Variants in NRXN3 observed in about 807,000 individuals in gnomAD.
NRXN3 encodes neurexin III.
In NRXN3, 32 loss-of-function variants were observed where a neutral mutation model predicts 137.6. That is an observed-to-expected ratio of 0.23 (90% confidence interval 0.18 to 0.31). NRXN3 has a LOEUF of 0.31. Ranked by LOEUF, NRXN3 falls within the 10% of genes least tolerant of loss-of-function variation. NRXN3 has a pLI of 1.00. For missense variants in NRXN3, 1,574 were observed against 2,062.5 expected, an observed-to-expected ratio of 0.76 and a Z score of 4.59; for synonymous variants, 798 against 784.5, an observed-to-expected ratio of 1.02 and a Z score of -0.29.
intron 3 of NRXN3, among the ~76,000 whole-genome samples, chr14:78,285,589 G>A (rs1225075119): frequency 1.3e-5 from 2 of 152,130 alleles, no homozygotes; most frequent in South Asian, 4.2e-4. Flanking sequence ...ACTTCACAAA[G>A]GTACACTGGT....
At chr14:78,494,234 G>T (rs538897967) in intron 4 of NRXN3, among the ~76,000 whole-genome samples, 1 of 152,166 alleles carries the variant, frequency 6.6e-6, no homozygotes, top group South Asian at 2.1e-4. Context: ...TTACACTTAG[G>T]TCACCAAGTC....
intron 7 of NRXN3, among the ~76,000 whole-genome samples, chr14:78,713,196 A>G (rs534194842): frequency 1.3e-5 from 2 of 152,266 alleles, no homozygotes; most frequent in South Asian, 4.2e-4. Context: ...GTCCCAGGTT[A>G]GCTTGTGGGG....
chr14:79,282,223 G>A (rs919275351), intron 15 of NRXN3, among the ~76,000 whole-genome samples: 10 of 152,058 alleles, frequency 6.6e-5, no homozygotes, highest in Admixed American at 6.5e-4. Context: ...GGGGGAGCGG[G>A]TAAGACAGGA....
At position 79,130,723 on chromosome 14, in the gene NRXN3, G is replaced by C. The variant is rs555263045; in HGVS notation, c.3262+142582G>C. Among the ~76,000 whole-genome samples the C allele has an allele frequency of 1.3e-4, 20 of 152,240 alleles. No homozygotes were observed. The South Asian group carries it at 1.7e-3, about 13-fold the overall frequency. ...TGTATTTCCTGAATCTGAACGTTGG[G>C]CTGCCTTGCTAGATTGGGGAAGTTT... On this transcript the variant is annotated intron_variant, in intron 15 of 20. Transcript: ENST00000335750.
In NRXN3 at chr14:79,538,593, T is replaced by C. The variant is rs543801998; in HGVS notation, c.3444+71191T>C. Reference sequence around the variant, plus strand: ...CCACTTCTTAATGGGGTGGTTTGTTTTTTTCTTGTGAATTTGTTTACGTTC... The same window carrying C: ...CCACTTCTTAATGGGGTGGTTTGTTCTTTTCTTGTGAATTTGTTTACGTTC... On this transcript the variant is annotated intron_variant, in intron 16 of 20. Transcript: ENST00000335750. Among the ~76,000 whole-genome samples, 3 of 152,320 alleles carry C rather than the reference T, an allele frequency of 2.0e-5. No individual in the cohort carries two copies. The East Asian group carries it at 5.8e-4, about 29-fold the overall frequency.
intron 16 of NRXN3, among the ~76,000 whole-genome samples, chr14:79,552,743 T>C (rs889051392): frequency 2.0e-5 from 3 of 152,094 alleles, no homozygotes; most frequent in Non-Finnish European, 4.4e-5. Flanking sequence ...GGGCAGGTGA[T>C]GACAAGCTAT....
At chr14:79,004,725 T>C (rs1272920590) in intron 15 of NRXN3, among the ~76,000 whole-genome samples, 1 of 152,198 alleles carries the variant, frequency 6.6e-6, no homozygotes, top group African/African-American at 2.4e-5. Context: ...ACATGCTGCA[T>C]TGAGAGAGCA....
intron 19 of NRXN3, among the ~76,000 whole-genome samples, chr14:79,723,699 A>G (rs1241610017): frequency 6.6e-6 from 1 of 152,138 alleles, no homozygotes; most frequent in East Asian, 1.9e-4. Flanking sequence ...CAGCTGTGTG[A>G]TAAATTGCCA....
intron 4 of NRXN3, among the ~76,000 whole-genome samples, chr14:78,428,416 A>G (rs1004034771): frequency 8.5e-5 from 13 of 152,128 alleles, no homozygotes; most frequent in Non-Finnish European, 1.8e-4. Flanking sequence ...AGACTAAACT[A>G]TAACCCCAAC....
intron 19 of NRXN3, among the ~76,000 whole-genome samples, chr14:79,737,563 T>G (rs1008158605): frequency 7.2e-5 from 11 of 152,174 alleles, no homozygotes; most frequent in Non-Finnish European, 1.5e-4. Flanking sequence ...AGGTATTTTA[T>G]TTTAACAGTT....
At chr14:79,263,627 T>A (rs995625455) in intron 15 of NRXN3, among the ~76,000 whole-genome samples, 2 of 152,200 alleles carry the variant, frequency 1.3e-5, no homozygotes, top group Admixed American at 1.3e-4. Flanking sequence ...TGGCTCTTAA[T>A]GAAAGGTAAT....
chr14:79,531,020 A>T (rs576484114), intron 16 of NRXN3, among the ~76,000 whole-genome samples: 17 of 152,270 alleles, frequency 1.1e-4, no homozygotes, highest in African/African-American at 4.1e-4. Context: ...CTCCCAGCAG[A>T]AGTGTTGCAG....
At chr14:79,499,432 C>T (rs7145991) in intron 16 of NRXN3, among the ~76,000 whole-genome samples, 15,388 of 152,190 alleles carry the variant, frequency 0.1, 1,874 homozygotes, top group East Asian at 0.38. Flanking sequence ...ATCATCATAA[C>T]TTAGTAAGCT....
In NRXN3 at chr14:78,490,710, C is replaced by T. The variant is rs568193865; in HGVS notation, c.758-154410C>T. Among the ~76,000 whole-genome samples, 24 of 152,204 alleles carry T rather than the reference C, an allele frequency of 1.6e-4. 1 individual carries two copies. Among genetic ancestry groups the T allele is most frequent in the African/African-American group, 5.1e-4 (21 of 41,532 alleles). ...ATGTAAGGTATACTCTGCAGCAGAC[C>T]CACTTTGGGAACTTTACATATATTA... On this transcript the variant is annotated intron_variant, in intron 4 of 20. Coordinates refer to ENST00000335750, the MANE Select transcript of NRXN3 (RefSeq NM_001330195.2).
chr14:79,181,237 T>A (rs2062893891), intron 15 of NRXN3, among the ~76,000 whole-genome samples: 1 of 152,098 alleles, frequency 6.6e-6, no homozygotes, highest in Non-Finnish European at 1.5e-5. Flanking sequence ...TGATTTCCCT[T>A]TTCTGGTACA....
intron 15 of NRXN3, among the ~76,000 whole-genome samples, chr14:79,283,137 G>A (rs1280290677): frequency 6.6e-6 from 1 of 152,156 alleles, no homozygotes; most frequent in East Asian, 1.9e-4. Flanking sequence ...GGAGGTGGTA[G>A]GAGGCATGGC....
chr14:79,495,960 CAAAAAACA>C (rs1041693627), intron 16 of NRXN3, among the ~76,000 whole-genome samples: 7 of 145,332 alleles, frequency 4.8e-5, no homozygotes, highest in Non-Finnish European at 9.1e-5. Flanking sequence ...AAAAAAAAAA[CAAAAAACA>C]AAAAAACAAA....
intron 10 of NRXN3, among the ~76,000 whole-genome samples, chr14:78,871,162 C>T (rs2099100437): frequency 6.6e-6 from 1 of 150,432 alleles, no homozygotes. Flanking sequence ...AGTGGCTGTA[C>T]TAATTTATTC....
intron 10 of NRXN3, among the ~76,000 whole-genome samples, chr14:78,872,522 A>G (rs2099104006): frequency 6.6e-6 from 1 of 151,646 alleles, no homozygotes. Context: ...TATTTCTATT[A>G]GAGCCTATCC....
Sources: allele counts gnomAD v4.1 joint callset (sites outside exome capture counted in the v4.1 genomes callset), GRCh38; gene constraint gnomAD v4.1.1; transcripts MANE v1.5; gene names NCBI Gene and HGNC (gene_info 2026-07-23, HGNC 2026-07-21).